OR1M1: variants seen among roughly 807,000 people sequenced by gnomAD.
The protein encoded by OR1M1 is olfactory receptor family 1 subfamily M member 1, also known as olfactory receptor 1M1.
For synonymous variants in OR1M1, 157 were observed against 165.5 expected (o/e 0.95, Z 0.39); for missense variants, 397 against 401.8 (o/e 0.99, Z 0.10).
At position 9,093,774 on chromosome 19, in the gene OR1M1, ACTT is replaced by A. The variant is rs781358922; in HGVS notation, c.533_535del (p.Phe178del). The A allele has an allele frequency of 3.0e-5, 48 of 1,613,632 alleles. No individual in the cohort carries two copies. Among genetic ancestry groups the A allele is most frequent in the East Asian group, 6.7e-5 (3 of 44,846 alleles). On this transcript the variant is annotated inframe_deletion, in exon 2 of 2. Transcript: ENST00000641627. The stretch of plus-strand genomic sequence containing the variant: ...TGCGGCAGCCATGAGGTGCCTCACT[ACTT>A]CTGCGACCTCACTCCCATCCTCCGA...
rs2050315025 is a variant in OR1M1 at position 9,094,278 on chromosome 19, A to C, written c.*92A>C. 2 of 676,734 alleles carry C rather than the reference A, an allele frequency of 3.0e-6. No individual in the cohort carries two copies. Among genetic ancestry groups the C allele is most frequent in the South Asian group, 4.1e-5 (2 of 48,644 alleles). 41.9% of individuals were successfully genotyped at this position (676,734 alleles called of 1,614,324 possible). On this transcript the variant is annotated 3_prime_UTR_variant, in exon 2 of 2. Transcript: ENST00000641627. ...GAATTGCATGAGTTGAAGAGTAGGC[A>C]CTTTGAATTTTATTATTATTATTAT...
Position 9,094,468 on chromosome 19 carries a change from T to C in OR1M1, c.*282T>C. On this transcript the variant is annotated 3_prime_UTR_variant, in exon 2 of 2. Coordinates refer to ENST00000641627, the MANE Select transcript of OR1M1 (RefSeq NM_001004456.2). Reference sequence around the variant, plus strand: ...TGGAACTCCTGGGCTCAAGCAGTACTTCCCCCTCAGCCTCCTAACATCCTA... The same window carrying C: ...TGGAACTCCTGGGCTCAAGCAGTACCTCCCCCTCAGCCTCCTAACATCCTA... 1 of 279,226 alleles carries C rather than the reference T, an allele frequency of 3.6e-6. No individual in the cohort carries two copies. Among genetic ancestry groups the C allele is most frequent in the Non-Finnish European group, 6.7e-6 (1 of 149,646 alleles). The allele number at this position is 279,226 out of a possible 1,614,324, so 17.3% of individuals were successfully genotyped here. A position where few individuals can be genotyped will look rare whatever the true frequency, so the allele number is the denominator to read the frequency against.
chr19:9,094,334 CG>C lies in OR1M1; in HGVS notation c.*149del. ...AGAGATGGGGTCTCACTATGTTGCC[CG>C]TGCTGGAGTGCAGTGGCGTGATCAT... On this transcript the variant is annotated 3_prime_UTR_variant, in exon 2 of 2. Coordinates refer to ENST00000641627, the MANE Select transcript of OR1M1 (RefSeq NM_001004456.2). 1.7e-6 allele frequency: 1 copy of C among 580,174 alleles called. No homozygotes were observed. Among genetic ancestry groups the C allele is most frequent in the East Asian group, 2.8e-5 (1 of 35,142 alleles). 35.9% of individuals were successfully genotyped at this position (580,174 alleles called of 1,614,324 possible).
At chr19:9,089,188 C>G in intron 1 of OR1M1, among the ~76,000 whole-genome samples, 1 of 152,122 alleles carries the variant, frequency 6.6e-6, no homozygotes, top group East Asian at 1.9e-4. Context: ...CTCTTCCTAT[C>G]TGCCCCCTCC....
intron 1 of OR1M1, among the ~76,000 whole-genome samples, chr19:9,090,975 G>T (rs548315936): frequency 1.3e-5 from 2 of 151,640 alleles, no homozygotes; most frequent in Non-Finnish European, 2.9e-5. Context: ...GACCATCCTG[G>T]CTAACATGGT....
At chr19:9,089,074 T>C (rs1181438263) in intron 1 of OR1M1, among the ~76,000 whole-genome samples, 1 of 152,192 alleles carries the variant, frequency 6.6e-6, no homozygotes, top group African/African-American at 2.4e-5. Flanking sequence ...TCTAGCTGTT[T>C]AGCTATATAG....
At position 9,093,265 on chromosome 19, in the gene OR1M1, C is replaced by T. The variant is rs2050304530; in HGVS notation, c.21C>T (p.Thr7=). ...CACCCATGGAACCAAGAAACCAAAC[C>T]AGTGCATCTCAATTCATCCTCCTGG... is the stretch of plus-strand genomic sequence containing the variant. MEPRNQ[T]SASQFILLGL... Residue 7 remains threonine, a synonymous_variant, in exon 2 of 2, where the codon ACC becomes ACT. Coordinates refer to ENST00000641627, the MANE Select transcript of OR1M1 (RefSeq NM_001004456.2). 1 of 1,610,162 alleles carries T rather than the reference C, an allele frequency of 6.2e-7. No individual in the cohort carries two copies. Among genetic ancestry groups the T allele is most frequent in the South Asian group, 1.1e-5 (1 of 90,368 alleles).
intron 1 of OR1M1, among the ~76,000 whole-genome samples, chr19:9,089,170 T>C (rs543825968): frequency 4.7e-4 from 72 of 152,272 alleles, no homozygotes; most frequent in African/African-American, 1.7e-3. Flanking sequence ...CTGTATGCTG[T>C]AACAAATCTC....
intron 1 of OR1M1, among the ~76,000 whole-genome samples, chr19:9,092,582 G>A (rs2050299269): frequency 1.3e-5 from 2 of 152,110 alleles, no homozygotes; most frequent in Non-Finnish European, 1.5e-5. Flanking sequence ...CCTCCTGGGT[G>A]ACACAGCAAG....
At chr19:9,087,473 T>G (rs1225232196) in intron 1 of OR1M1, among the ~76,000 whole-genome samples, 6 of 151,506 alleles carry the variant, frequency 4.0e-5, no homozygotes, top group African/African-American at 1.5e-4. Flanking sequence ...CCCACCGAGA[T>G]GGAGTTTTGC....
Position 9,094,157 on chromosome 19 carries a change from G to A in OR1M1, c.913G>A (p.Val305Ile), listed in dbSNP as rs1192004713. The A allele has an allele frequency of 6.2e-7, 1 of 1,610,464 alleles. No individual in the cohort carries two copies. The highest frequency in any genetic ancestry group is 8.5e-7 in the Non-Finnish European group (1 of 1,179,642). ...CCTGAAAGGGGCTCTCAGGAAGCTG[G>A]TCAACAGAAAGATCACCTCATCTTC... ...RDLKGALRKL[V>I]NRKITSSS Residue 305 changes from valine to isoleucine, a missense_variant, in exon 2 of 2, where the codon GTC becomes ATC. By Grantham distance (29) the Val-to-Ile change is conservative (BLOSUM62 3). Coordinates refer to ENST00000641627, the MANE Select transcript of OR1M1 (RefSeq NM_001004456.2).
chr19:9,092,040 T>C (rs993489677), intron 1 of OR1M1, among the ~76,000 whole-genome samples: 47 of 149,546 alleles, frequency 3.1e-4, no homozygotes, highest in African/African-American at 1.2e-3. Context: ...TCCCGAGTAC[T>C]TGGAACTATA....
Position 9,093,833 on chromosome 19 carries a change from A to T in OR1M1, c.589A>T (p.Ile197Phe). ...LSCTDTSVNR[I>F]FILIVAGMVI... ...GTGCACGGACACCTCTGTGAATAGG[A>T]TCTTCATCCTCATTGTGGCAGGGAT... Residue 197 changes from isoleucine (I) to phenylalanine (F), a missense_variant, in exon 2 of 2, where the codon ATC becomes TTC. Ile to Phe is a conservative substitution (Grantham distance 21). Coordinates refer to ENST00000641627, the MANE Select transcript of OR1M1 (RefSeq NM_001004456.2). 1 of 1,613,944 alleles carries T rather than the reference A, an allele frequency of 6.2e-7. No homozygotes were observed. Among genetic ancestry groups the T allele is most frequent in the Non-Finnish European group, 8.5e-7 (1 of 1,180,006 alleles).
At position 9,093,252 on chromosome 19, in the gene OR1M1, C is replaced by A. The variant is rs757326160; in HGVS notation, c.8C>A (p.Pro3Gln). The change falls in exon 2 of 2, where the codon CCA (proline) becomes CAA (glutamine). Residue 3 changes from proline (P) to glutamine (Q), a missense_variant. Pro to Gln is a moderately conservative substitution (Grantham distance 76). Transcript: ENST00000641627. Reference sequence around the variant, plus strand: ...TCCAGAGGAATCACACCCATGGAACCAAGAAACCAAACCAGTGCATCTCAA... The same window carrying A: ...TCCAGAGGAATCACACCCATGGAACAAAGAAACCAAACCAGTGCATCTCAA... MEPRNQTSASQFI... is the reference protein window; with the variant it reads MEQRNQTSASQFI... 1.2e-6 allele frequency: 2 copies of A among 1,603,862 alleles called. No individual in the cohort carries two copies. The highest frequency in any genetic ancestry group is 1.7e-6 in the Non-Finnish European group (2 of 1,174,878).
chr19:9,087,534 C>T lies in OR1M1; in HGVS notation c.-14+377C>T, dbSNP rs148014187. ...TGGCACGATCTTGGCTCACTGCAAC[C>T]TCTGACTCCCAGGTTCGAGCAATTC... is the stretch of plus-strand genomic sequence containing the variant. On this transcript the variant is annotated intron_variant, in intron 1 of 1. Transcript: ENST00000641627. Among the ~76,000 whole-genome samples the T allele has an allele frequency of 9.9e-4, 151 of 152,272 alleles. 1 individual carries two copies. The East Asian group carries it at 0.024, about 24-fold the overall frequency.
At position 9,093,904 on chromosome 19, in the gene OR1M1, C is replaced by A. The variant is rs554978032; in HGVS notation, c.660C>A (p.Arg220=). ...TCTGCATCCTGGCCTCCTATGCTCG[C>A]ATCCTTGTGGCCATCATGAAGGTCC... ...PFVCILASYA[R]ILVAIMKVPS... Residue 220 remains arginine (R), a synonymous_variant, in exon 2 of 2, where the codon CGC becomes CGA. Coordinates refer to ENST00000641627, the MANE Select transcript of OR1M1 (RefSeq NM_001004456.2). The A allele has an allele frequency of 1.2e-5, 20 of 1,614,214 alleles. No individual in the cohort carries two copies. The highest frequency in any genetic ancestry group is 1.1e-4 in the African/African-American group (8 of 75,070).
rs2050302192 is a variant in OR1M1, at chr19:9,093,047, ATATATACACACACACATATATATTC to A, written c.-13-178_-13-154del. On this transcript the variant is annotated intron_variant, in intron 1 of 1. Transcript: ENST00000641627. ...TCTCTCTCTCTCTCTCTATATATATATATATACACACACACATATATATTCTATATATACACACACACACACACAC... is the reference window on the plus strand; with the variant it reads ...TCTCTCTCTCTCTCTCTATATATATATATATATACACACACACACACACAC... 8 of 335,666 alleles carry A rather than the reference ATATATACACACACACATATATATTC, an allele frequency of 2.4e-5. No homozygotes were observed. In the East Asian group the frequency reaches 3.9e-4, roughly 16 times the overall value. The allele number at this position is 335,666 out of a possible 1,614,324, so 20.8% of individuals were successfully genotyped here. A position where few individuals can be genotyped will look rare whatever the true frequency, so the allele number is the denominator to read the frequency against.
chr19:9,093,697 T>C lies in OR1M1; in HGVS notation c.453T>C (p.Phe151=). 6.2e-7 allele frequency: 1 copy of C among 1,614,102 alleles called. No homozygotes were observed. Among genetic ancestry groups the C allele is most frequent in the East Asian group, 2.2e-5 (1 of 44,880 alleles). ...CRLLVGALWA[F]SCFISLTHIL... The stretch of plus-strand genomic sequence containing the variant: ...TGCTGGTCGGCGCCCTCTGGGCGTT[T>C]TCCTGCTTCATCTCACTCACTCACA... The change falls in exon 2 of 2, where the codon TTT becomes TTC. Residue 151 remains phenylalanine (F), a synonymous_variant. Coordinates refer to ENST00000641627, the MANE Select transcript of OR1M1 (RefSeq NM_001004456.2).
At chr19:9,092,665 G>A (rs1267662501) in intron 1 of OR1M1, among the ~76,000 whole-genome samples, 1 of 151,970 alleles carries the variant, frequency 6.6e-6, no homozygotes. Context: ...ACTTTGGGAG[G>A]CCGAGGTGGG....
Sources: gnomAD v4.1 joint callset for allele counts (sites outside exome capture counted in the v4.1 genomes callset) on GRCh38, gnomAD v4.1.1 for gene constraint, MANE v1.5 for transcripts, NCBI Gene and HGNC (gene_info 2026-07-23, HGNC 2026-07-21) for gene names.